ATAD2B: variants seen among roughly 807,000 people sequenced by gnomAD.
ATAD2B encodes the protein ATPase family AAA domain-containing protein 2B.
Under a neutral mutation model 167.6 loss-of-function variants are expected in ATAD2B, and 40 were observed. The observed-to-expected ratio is 0.24, with a 90% CI of 0.19 to 0.31. The LOEUF (loss-of-function observed/expected upper bound fraction) is 0.31, where lower values mean the gene tolerates loss of function less well. ATAD2B is among the 10% of genes least tolerant of loss of function. The pLI is 1.00. For synonymous variants in ATAD2B, 579 were observed against 596.5 expected, an observed-to-expected ratio of 0.97 and a Z score of 0.43; for missense variants, 1,242 against 1,757.2, an observed-to-expected ratio of 0.71 and a Z score of 5.24.
At chr2:23,861,198 G>C (rs1231867248) in intron 12 of ATAD2B, among the ~76,000 whole-genome samples, 1 of 149,154 alleles carries the variant, frequency 6.7e-6, no homozygotes, top group Non-Finnish European at 1.5e-5. Flanking sequence ...CAAAAAGGAG[G>C]TAGGGCATAT....
chr2:23,711,144 G>A, the ATAD2B span, among the ~76,000 whole-genome samples: 1 of 151,910 alleles, frequency 6.6e-6, no homozygotes, highest in Non-Finnish European at 1.5e-5. Flanking sequence ...TCTAAAGATA[G>A]GTAAGATGTG....
chr2:23,901,971 G>A (rs1700896779), intron 1 of ATAD2B, among the ~76,000 whole-genome samples: 1 of 151,780 alleles, frequency 6.6e-6, no homozygotes, highest in Non-Finnish European at 1.5e-5. Flanking sequence ...AGTGAGTTTT[G>A]CACATTTATT....
At position 23,810,401 on chromosome 2, in the gene ATAD2B, G is replaced by A. The variant is rs547241474; in HGVS notation, c.2369C>T (p.Thr790Ile). 3 of 1,613,804 alleles carry A rather than the reference G, an allele frequency of 1.9e-6. No individual in the cohort carries two copies. In the South Asian group the frequency reaches 3.3e-5, roughly 18 times the overall value. ...TCTATGCACAGAGAATCTTTCTAGA[G>A]TGTGCAAAAGTGCTGGAGCAAGGTG... ...TSHLAPALLH[T>I]LERFSVHRLD... is the part of the protein sequence containing the mutation. Residue 790 changes from threonine (T) to isoleucine (I), a missense_variant, in exon 18 of 28, where the codon ACT (threonine) becomes ATT (isoleucine). Physicochemically the swap from Thr to Ile is moderately conservative, Grantham distance 89. Around this residue, in one of 9 missense-constraint regions of ATAD2B, gnomAD observed 145 missense variants for 181.9 expected, o/e 0.80. Coordinates refer to ENST00000238789, the MANE Select transcript of ATAD2B (RefSeq NM_017552.4).
chr2:23,807,303 A>AAAG (rs57517148), intron 18 of ATAD2B, among the ~76,000 whole-genome samples: 142,764 of 152,164 alleles, frequency 0.94, 67,042 homozygotes, highest in East Asian at 0.99. Flanking sequence ...CACACACTAG[A>AAAG]AAGTACATTC....
chr2:23,888,813 T>A (rs1254977129), intron 2 of ATAD2B, among the ~76,000 whole-genome samples: 1 of 152,212 alleles, frequency 6.6e-6, no homozygotes, highest in East Asian at 1.9e-4. Flanking sequence ...AGTGCTTGAA[T>A]ACCAATATCA....
chr2:23,870,304 T>TG (rs397984059), intron 8 of ATAD2B, among the ~76,000 whole-genome samples: 1 of 147,972 alleles, frequency 6.8e-6, no homozygotes, highest in African/African-American at 2.5e-5. Context: ...TTTTTTTTTT[T>TG]GAGACAGTGT....
rs780642683 is a variant in ATAD2B, at chr2:23,895,822, G to T, written c.365C>A (p.Ala122Asp). ...REEWNLSTGQ[A>D]RLTSQPGATL... is the part of the protein sequence containing the mutation. ...TCAATGAGTTCTCCTTTCTCACCTG[G>T]CCTGTCCAGTTGATAAGTTCCATTC... The change falls in exon 2 of 28, where the codon GCC becomes GAC. Residue 122 changes from alanine to aspartate, a missense_variant. Ala to Asp is a moderately radical substitution (Grantham distance 126, BLOSUM62 -2). Around this residue, in one of 9 missense-constraint regions of ATAD2B, gnomAD observed 199 missense variants for 194.9 expected, o/e 1.02. Transcript: ENST00000238789. 1.0e-5 allele frequency: 16 copies of T among 1,607,040 alleles called. No homozygotes were observed. In the East Asian group the frequency reaches 3.6e-4, roughly 36 times the overall value.
intron 14 of ATAD2B, among the ~76,000 whole-genome samples, chr2:23,832,888 C>G (rs1207271581): frequency 6.6e-6 from 1 of 152,202 alleles, no homozygotes; most frequent in Non-Finnish European, 1.5e-5. Flanking sequence ...AAAGCTGATG[C>G]TTCCCCATGT....
chr2:23,870,034 T>G (rs1695689618), intron 8 of ATAD2B, among the ~76,000 whole-genome samples: 1 of 151,602 alleles, frequency 6.6e-6, no homozygotes, highest in Non-Finnish European at 1.5e-5. Flanking sequence ...ATGGTGAAAC[T>G]CCAGCTCTAC....
At chr2:23,753,669 C>T (rs1194116299) in intron 27 of ATAD2B, among the ~76,000 whole-genome samples, 1 of 152,114 alleles carries the variant, frequency 6.6e-6, no homozygotes, top group African/African-American at 2.4e-5. Context: ...ACAGTCGCTC[C>T]TTCATATGGC....
the ATAD2B span, among the ~76,000 whole-genome samples, chr2:23,715,572 T>C: frequency 9.4e-5 from 14 of 149,718 alleles, no homozygotes; most frequent in East Asian, 2.5e-3. Context: ...AGACTCTGTC[T>C]CAAAAAAAAA....
the ATAD2B span, among the ~76,000 whole-genome samples, chr2:23,734,123 T>C: frequency 6.6e-6 from 1 of 152,174 alleles, no homozygotes; most frequent in Non-Finnish European, 1.5e-5. Context: ...TGTTTTCACA[T>C]TGCTATAAGA....
the ATAD2B span, chr2:23,691,662 C>T: frequency 1.3e-6 from 2 of 1,551,360 alleles, no homozygotes; most frequent in Non-Finnish European, 1.7e-6. Flanking sequence ...ACACCCTGGT[C>T]TCTGTGCCTA....
chr2:23,765,205 T>G (rs1032756935), intron 23 of ATAD2B, among the ~76,000 whole-genome samples: 2 of 152,230 alleles, frequency 1.3e-5, no homozygotes, highest in African/African-American at 2.4e-5. Flanking sequence ...AACCTTTTCA[T>G]ATCTAATATC....
chr2:23,890,455 A>G (rs541931171), intron 2 of ATAD2B, among the ~76,000 whole-genome samples: 8 of 152,332 alleles, frequency 5.3e-5, no homozygotes, highest in Admixed American at 1.3e-4. Flanking sequence ...TAAAGTAACT[A>G]AATGGATGTA....
At chr2:23,690,885 C>G in the ATAD2B span, 2 of 152,374 alleles carry the variant, frequency 1.3e-5, no homozygotes, top group African/African-American at 4.8e-5. Context: ...CCTGCTCCCC[C>G]CAGTTCCCCA....
the ATAD2B span, among the ~76,000 whole-genome samples, chr2:23,740,029 T>C: frequency 2.6e-5 from 4 of 152,078 alleles, no homozygotes; most frequent in African/African-American, 7.2e-5. Context: ...AATAGACCAA[T>C]AACAGGCTCT....
At chr2:23,849,379 CAACATA>C (rs1210919553) in intron 13 of ATAD2B, among the ~76,000 whole-genome samples, 1 of 152,082 alleles carries the variant, frequency 6.6e-6, no homozygotes, top group Non-Finnish European at 1.5e-5. Flanking sequence ...AAAGCAACAT[CAACATA>C]AAGATGCAAT....
chr2:23,823,782 G>A (rs1310100508), intron 15 of ATAD2B, among the ~76,000 whole-genome samples: 1 of 86,654 alleles, frequency 1.2e-5, no homozygotes, highest in Non-Finnish European at 2.2e-5. Flanking sequence ...GATTAAAAAT[G>A]TTTTGAATAT....
Sources: allele counts gnomAD v4.1 joint callset (sites outside exome capture counted in the v4.1 genomes callset), GRCh38; gene constraint gnomAD v4.1.1; regional missense constraint gnomAD v4.1.1; transcripts MANE v1.5; gene names NCBI Gene and HGNC (gene_info 2026-07-23, HGNC 2026-07-21).